Variants in SLC24A2 observed in about 807,000 individuals in gnomAD.
SLC24A2 encodes sodium/potassium/calcium exchanger 2.
In SLC24A2, 36 loss-of-function variants were observed where a neutral mutation model predicts 62.0. That is an observed-to-expected ratio of 0.58 (90% CI 0.44 to 0.77). SLC24A2 has a LOEUF of 0.77. Among genes scored for constraint, SLC24A2 ranks in the 30% least tolerant of loss-of-function variants. The pLI is 0.00. For synonymous variants in SLC24A2, 358 were observed against 294.0 expected (o/e 1.22, Z -2.23); for missense variants, 846 against 817.9 (o/e 1.03, Z -0.42).
intron 2 of SLC24A2, among the ~76,000 whole-genome samples, chr9:19,636,330 T>TTC (rs1491510974): frequency 0.046 from 1,378 of 29,968 alleles, 154 homozygotes; most frequent in African/African-American, 0.12. Flanking sequence ...TTTCTTTCTT[T>TTC]CTTTCTTTCT....
At chr9:19,624,381 C>T (rs1400026935) in intron 2 of SLC24A2, among the ~76,000 whole-genome samples, 2 of 151,988 alleles carry the variant, frequency 1.3e-5, no homozygotes, top group African/African-American at 4.8e-5. Flanking sequence ...GAAACGTCAC[C>T]AGCTGAGAGT....
the SLC24A2 span, among the ~76,000 whole-genome samples, chr9:20,159,888 A>C: frequency 6.6e-6 from 1 of 151,624 alleles, no homozygotes; most frequent in Non-Finnish European, 1.5e-5. Flanking sequence ...AAATAAGCAC[A>C]GTAGATATAG....
the SLC24A2 span, among the ~76,000 whole-genome samples, chr9:19,899,737 A>G: frequency 6.6e-6 from 1 of 152,324 alleles, no homozygotes; most frequent in South Asian, 2.1e-4. Flanking sequence ...GAAACTTACA[A>G]TCATGGCAGA....
At chr9:19,534,998 C>A (rs1479206901) in intron 8 of SLC24A2, among the ~76,000 whole-genome samples, 1 of 152,314 alleles carries the variant, frequency 6.6e-6, no homozygotes, top group African/African-American at 2.4e-5. Flanking sequence ...GTTCCTATTT[C>A]ACCACATCCT....
chr9:19,531,399 T>C (rs1833701942), intron 8 of SLC24A2, among the ~76,000 whole-genome samples: 1 of 152,178 alleles, frequency 6.6e-6, no homozygotes, highest in South Asian at 2.1e-4. Flanking sequence ...GTTATAGTAA[T>C]GGGGGTTCAT....
the SLC24A2 span, among the ~76,000 whole-genome samples, chr9:20,241,737 G>T: frequency 7.9e-5 from 12 of 152,230 alleles, no homozygotes; most frequent in African/African-American, 2.9e-4. Flanking sequence ...CCAGCCTAAG[G>T]CTGAGTAGAG....
At chr9:19,976,721 T>C in the SLC24A2 span, among the ~76,000 whole-genome samples, 1 of 152,206 alleles carries the variant, frequency 6.6e-6, no homozygotes, top group Admixed American at 6.5e-5. Flanking sequence ...ATAAGAAATT[T>C]GAGTGTCCAC....
the SLC24A2 span, among the ~76,000 whole-genome samples, chr9:20,095,832 GA>G: frequency 2.6e-5 from 4 of 152,214 alleles, no homozygotes; most frequent in East Asian, 7.7e-4. Flanking sequence ...GGTGGAAGGC[GA>G]AAGGCAAGTC....
intron 2 of SLC24A2, among the ~76,000 whole-genome samples, chr9:19,701,452 G>A (rs770206625): frequency 1.3e-5 from 2 of 152,096 alleles, no homozygotes; most frequent in Admixed American, 6.6e-5. Context: ...CAGCTCCCCC[G>A]CACTTTGGGT....
At chr9:19,981,190 T>A in the SLC24A2 span, among the ~76,000 whole-genome samples, 5 of 152,308 alleles carry the variant, frequency 3.3e-5, no homozygotes, top group African/African-American at 1.2e-4. Flanking sequence ...ATATGATGAG[T>A]GTTCTCCAAA....
chr9:19,788,026 T>C (rs901585802), intron 1 of SLC24A2, among the ~76,000 whole-genome samples: 1 of 152,238 alleles, frequency 6.6e-6, no homozygotes, highest in African/African-American at 2.4e-5. Flanking sequence ...TTTTAGTTTT[T>C]CTTTAAAAAG....
At chr9:20,181,044 T>C in the SLC24A2 span, among the ~76,000 whole-genome samples, 5 of 151,994 alleles carry the variant, frequency 3.3e-5, no homozygotes, top group African/African-American at 7.3e-5. Context: ...CAAAAAGAAA[T>C]TGTCTTCAGA....
At chr9:20,151,892 G>C in the SLC24A2 span, among the ~76,000 whole-genome samples, 23 of 151,582 alleles carry the variant, frequency 1.5e-4, no homozygotes, top group Non-Finnish European at 2.9e-4. Flanking sequence ...CCAATCAAAA[G>C]AACTCATTCC....
At chr9:19,616,369 G>A (rs1360649767) in intron 4 of SLC24A2, among the ~76,000 whole-genome samples, 3 of 152,124 alleles carry the variant, frequency 2.0e-5, no homozygotes, top group African/African-American at 7.2e-5. Flanking sequence ...TTTTACAGAT[G>A]AGGAAACTGA....
At chr9:20,054,053 G>A in the SLC24A2 span, among the ~76,000 whole-genome samples, 8 of 152,156 alleles carry the variant, frequency 5.3e-5, no homozygotes, top group Non-Finnish European at 2.9e-5. Context: ...GTGTCAGTTT[G>A]ATAGGGGTCT....
the SLC24A2 span, among the ~76,000 whole-genome samples, chr9:20,262,394 C>T: frequency 6.6e-6 from 1 of 152,208 alleles, no homozygotes; most frequent in Non-Finnish European, 1.5e-5. Flanking sequence ...GGACTGAAGA[C>T]CAAGTGCCTA....
At chr9:19,903,726 A>C in the SLC24A2 span, among the ~76,000 whole-genome samples, 1 of 152,174 alleles carries the variant, frequency 6.6e-6, no homozygotes, top group Non-Finnish European at 1.5e-5. Flanking sequence ...TGGATGGAGT[A>C]AGCGTTAAGT....
At chr9:19,864,365 C>G in the SLC24A2 span, among the ~76,000 whole-genome samples, 1 of 151,296 alleles carries the variant, frequency 6.6e-6, no homozygotes, top group Admixed American at 6.6e-5. Flanking sequence ...AGACAAAGAA[C>G]CAGAAAAAAA....
the SLC24A2 span, among the ~76,000 whole-genome samples, chr9:19,835,077 A>G: frequency 3.3e-5 from 5 of 152,310 alleles, no homozygotes; most frequent in African/African-American, 1.2e-4. Flanking sequence ...TGAAGGAAGC[A>G]CTAAACATGG....
Sources: gnomAD v4.1 joint callset for allele counts (sites outside exome capture counted in the v4.1 genomes callset) on GRCh38, gnomAD v4.1.1 for gene constraint, MANE v1.5 for transcripts, NCBI Gene and HGNC (gene_info 2026-07-23, HGNC 2026-07-21) for gene names.